The following CXCL11 variants were observed in gnomAD, a reference collection of about 807,000 sequenced individuals.
CXCL11 encodes the protein C-X-C motif chemokine 11.
CXCL11 carries 7 observed loss-of-function variants against 9.7 expected under a neutral mutation model. That is an observed-to-expected ratio of 0.72 (90% confidence interval 0.41 to 1.36). CXCL11 has a LOEUF of 1.36. CXCL11 is among the 40% of genes most tolerant of loss of function. The pLI is 0.01. For synonymous variants in CXCL11, 35 were observed against 34.4 expected (o/e 1.02, Z -0.06); for missense variants, 107 against 113.4 (o/e 0.94, Z 0.26).
rs1734122756 is a variant in CXCL11 at position 76,034,158 on chromosome 4, A to G, written c.*635T>C. ...TAATGAATTGGTTATAAAACAAACCAAATGATGCATAAGAATGTCTCCCTA... is the reference window on the plus strand; with the variant it reads ...TAATGAATTGGTTATAAAACAAACCGAATGATGCATAAGAATGTCTCCCTA... On this transcript the variant is annotated 3_prime_UTR_variant, in exon 4 of 4. Transcript: ENST00000306621. The G allele has an allele frequency of 3.1e-6, 1 of 318,142 alleles. No individual in the cohort carries two copies. The highest frequency in any genetic ancestry group is 5.7e-6 in the Non-Finnish European group (1 of 176,802). The allele number at this position is 318,142 out of a possible 1,614,324, so 19.7% of individuals were successfully genotyped here. A position where few individuals can be genotyped will look rare whatever the true frequency, so the allele number is the denominator to read the frequency against.
chr4:76,034,237 A>C lies in CXCL11; in HGVS notation c.*556T>G, dbSNP rs1734132817. 2 of 391,574 alleles carry C rather than the reference A, an allele frequency of 5.1e-6. No individual in the cohort carries two copies. Among genetic ancestry groups the C allele is most frequent in the Non-Finnish European group, 9.0e-6 (2 of 221,990 alleles). 24.3% of individuals were successfully genotyped at this position (391,574 alleles called of 1,614,324 possible). ...GAAAGAAGTGTGTATTTGCATGAAA[A>C]AATGTTTGAGGAATGTTTTACGACA... On this transcript the variant is annotated 3_prime_UTR_variant, in exon 4 of 4. Coordinates refer to ENST00000306621, the MANE Select transcript of CXCL11 (RefSeq NM_005409.5).
chr4:76,034,121 A>G lies in CXCL11; in HGVS notation c.*672T>C, dbSNP rs1734121560. The G allele has an allele frequency of 8.4e-6, 2 of 238,806 alleles. No individual in the cohort carries two copies. Among genetic ancestry groups the G allele is most frequent in the African/African-American group, 4.5e-5 (2 of 44,786 alleles). 14.8% of individuals were successfully genotyped at this position (238,806 alleles called of 1,614,324 possible). ...TATAATTTTTTTCATAGTACATTTT[A>G]TGAATTACATTTAATGAATTGGTTA... On this transcript the variant is annotated 3_prime_UTR_variant, in exon 4 of 4. Coordinates refer to ENST00000306621, the MANE Select transcript of CXCL11 (RefSeq NM_005409.5).
In CXCL11 at chr4:76,034,200, A is replaced by G; in HGVS notation, c.*593T>C. The G allele has an allele frequency of 2.7e-6, 1 of 371,370 alleles. No homozygotes were observed. The highest frequency in any genetic ancestry group is 4.8e-6 in the Non-Finnish European group (1 of 209,430). The allele number at this position is 371,370 out of a possible 1,614,324, so 23.0% of individuals were successfully genotyped here. On this transcript the variant is annotated 3_prime_UTR_variant, in exon 4 of 4. Transcript: ENST00000306621. ...GTCTCCCTACATATTGATGTGCTAC[A>G]TGATGTTTGGGGAAAGAAGTGTGTA...
At position 76,034,074 on chromosome 4, in the gene CXCL11, C is replaced by T. The variant is rs1408580679; in HGVS notation, c.*719G>A. ...CTAATTTGGTTATGAAATATGTGCA[C>T]TTTTGCCAGTATCCCATAGCGTATA... On this transcript the variant is annotated 3_prime_UTR_variant, in exon 4 of 4. Transcript: ENST00000306621. 5.7e-6 allele frequency: 1 copy of T among 175,762 alleles called. No homozygotes were observed. Among genetic ancestry groups the T allele is most frequent in the East Asian group, 1.5e-4 (1 of 6,636 alleles). The allele number at this position is 175,762 out of a possible 1,614,324, so 10.9% of individuals were successfully genotyped here.
chr4:76,034,081 C>CAGT lies in CXCL11; in HGVS notation c.*709_*711dup, dbSNP rs1174030658. On this transcript the variant is annotated 3_prime_UTR_variant, in exon 4 of 4. Transcript: ENST00000306621. The stretch of plus-strand genomic sequence containing the variant: ...GGTTATGAAATATGTGCACTTTTGC[C>CAGT]AGTATCCCATAGCGTATAATTTTTT... 5.5e-6 allele frequency: 1 copy of CAGT among 180,722 alleles called. No individual in the cohort carries two copies. Among genetic ancestry groups the CAGT allele is most frequent in the African/African-American group, 2.3e-5 (1 of 42,660 alleles). The allele number at this position is 180,722 out of a possible 1,614,324, so 11.2% of individuals were successfully genotyped here. A position where few individuals can be genotyped will look rare whatever the true frequency, so the allele number is the denominator to read the frequency against.
In CXCL11 at chr4:76,034,590, C is replaced by T; in HGVS notation, c.*203G>A. On this transcript the variant is annotated 3_prime_UTR_variant, in exon 4 of 4. Transcript: ENST00000306621. ...GGGCAGTGGAATTCTGATTGTCATT[C>T]ATTCAGGAAGACTGTATTTCTGTTT... 1.7e-6 allele frequency: 1 copy of T among 588,114 alleles called. No homozygotes were observed. Among genetic ancestry groups the T allele is most frequent in the Non-Finnish European group, 3.0e-6 (1 of 338,290 alleles). The allele number at this position is 588,114 out of a possible 1,614,324, so 36.4% of individuals were successfully genotyped here.
chr4:76,035,448 T>C (rs1734298204), intron 1 of CXCL11, 106 bp from the exon 2 acceptor site: 4 of 1,153,568 alleles, frequency 3.5e-6, no homozygotes, highest in African/African-American at 3.1e-5. Context: ...AGGGTAAAGA[T>C]AGTAATTTGT....
chr4:76,035,478 C>CT (rs1286995691), intron 1 of CXCL11, 136 bp from the exon 2 acceptor site: 3 of 750,526 alleles, frequency 4.0e-6, no homozygotes, highest in Non-Finnish European at 6.2e-6. Flanking sequence ...CTTAACACAA[C>CT]TGTTACTGGG....
chr4:76,035,787 C>A, intron 1 of CXCL11, 140 bp downstream of exon 1: 1 of 698,868 alleles, frequency 1.4e-6, no homozygotes, highest in Non-Finnish European at 2.4e-6. Flanking sequence ...TCCACCATTT[C>A]TGTGCTAAAG....
rs1049144437 is a variant in CXCL11, at chr4:76,035,925, A to T, written c.61+2T>A. ...GGTTGAGAAATAAAAATTACTGCAT[A>T]CCTTGAACAACTGTAGCACACAATA... On this transcript the variant is annotated splice_donor_variant, in intron 1 of 3. Coordinates refer to ENST00000306621, the MANE Select transcript of CXCL11 (RefSeq NM_005409.5). LOFTEE classifies it high-confidence loss of function. The T allele has an allele frequency of 1.2e-6, 2 of 1,612,584 alleles. No homozygotes were observed. The highest frequency in any genetic ancestry group is 1.7e-6 in the Non-Finnish European group (2 of 1,179,348).
rs1412720589 is a variant in CXCL11 at position 76,033,700 on chromosome 4, G to T, written c.*1093C>A. On this transcript the variant is annotated 3_prime_UTR_variant, in exon 4 of 4. Coordinates refer to ENST00000306621, the MANE Select transcript of CXCL11 (RefSeq NM_005409.5). ...ATAGATCTTTTTTTAAAAAAGAAAG[G>T]TTGTGGTAGTTTATTAGAGAAAAAA... 1.3e-5 allele frequency: 2 copies of T among 152,112 alleles called. No homozygotes were observed. The highest frequency in any genetic ancestry group is 2.9e-5 in the Non-Finnish European group (2 of 68,010). The allele number at this position is 152,112 out of a possible 1,614,324, so 9.4% of individuals were successfully genotyped here.
rs1041265055 is a variant in CXCL11 at position 76,034,217 on chromosome 4, A to G, written c.*576T>C. On this transcript the variant is annotated 3_prime_UTR_variant, in exon 4 of 4. Coordinates refer to ENST00000306621, the MANE Select transcript of CXCL11 (RefSeq NM_005409.5). ...TGTGCTACATGATGTTTGGGGAAAGAAGTGTGTATTTGCATGAAAAAATGT... is the reference window on the plus strand; with the variant it reads ...TGTGCTACATGATGTTTGGGGAAAGGAGTGTGTATTTGCATGAAAAAATGT... 13 of 383,452 alleles carry G rather than the reference A, an allele frequency of 3.4e-5. No homozygotes were observed. The highest frequency in any genetic ancestry group is 5.1e-5 in the Non-Finnish European group (11 of 216,992). 23.8% of individuals were successfully genotyped at this position (383,452 alleles called of 1,614,324 possible). A position where few individuals can be genotyped will look rare whatever the true frequency, so the allele number is the denominator to read the frequency against.
intron 3 of CXCL11, 113 bp from the exon 4 acceptor site, chr4:76,034,929 G>C (rs1734215932): frequency 5.2e-6 from 7 of 1,353,262 alleles, no homozygotes; most frequent in South Asian, 1.2e-5. Context: ...CCCCTTAACA[G>C]AATATTTCAC....
chr4:76,035,807 C>T (rs1734337147), intron 1 of CXCL11, 120 bp downstream of exon 1: 1 of 862,252 alleles, frequency 1.2e-6, no homozygotes, highest in Admixed American at 2.4e-5. Context: ...GCTGTAGTAA[C>T]TTCTAATCTG....
chr4:76,035,798 C>T (rs1734336123), intron 1 of CXCL11, 129 bp downstream of exon 1: 1 of 757,506 alleles, frequency 1.3e-6, no homozygotes, highest in Non-Finnish European at 2.2e-6. Context: ...TGTGCTAAAG[C>T]TGTAGTAACT....
rs1183747461 is a variant in CXCL11 at position 76,035,104 on chromosome 4, T to C, written c.204A>G (p.Glu68=). ...GATTTAGGCATCGTTGTCCTTTATT[T>C]TCTTTCAGGGTAATACTGTTAAAAG... is the stretch of plus-strand genomic sequence containing the variant. The part of the protein sequence containing the change: ...DKIEVIITLK[E]NKGQRCLNPK... The change falls in exon 3 of 4, where the codon GAA becomes GAG. Residue 68 remains glutamate (E), a synonymous_variant. Transcript: ENST00000306621. 1.1e-5 allele frequency: 18 copies of C among 1,612,172 alleles called. No individual in the cohort carries two copies. Among genetic ancestry groups the C allele is most frequent in the Non-Finnish European group, 1.4e-5 (16 of 1,179,686 alleles).
At position 76,035,263 on chromosome 4, in the gene CXCL11, T is replaced by C. The variant is rs1413732954; in HGVS notation, c.141A>G (p.Lys47=). 1.2e-6 allele frequency: 2 copies of C among 1,613,962 alleles called. No individual in the cohort carries two copies. Among genetic ancestry groups the C allele is most frequent in the East Asian group, 2.2e-5 (1 of 44,886 alleles). The change falls in exon 2 of 4, where the codon AAA becomes AAG. Residue 47 remains lysine, a synonymous_variant. Coordinates refer to ENST00000306621, the MANE Select transcript of CXCL11 (RefSeq NM_005409.5). ...TGTTACTTGGGTACATTATGGAGGC[T>C]TTCTCAATATCTGCCACTTTCACTG... The part of the protein sequence containing the change: ...VKAVKVADIE[K]ASIMYPSNNC...
At chr4:76,035,463 T>C in intron 1 of CXCL11, 121 bp from the exon 2 acceptor site, 1 of 976,996 alleles carries the variant, frequency 1.0e-6, no homozygotes, top group Non-Finnish European at 1.5e-6. Flanking sequence ...ATTTGTCAAA[T>C]AGCACTTAAC....
In CXCL11 at chr4:76,035,103, T is replaced by A; in HGVS notation, c.205A>T (p.Asn69Tyr). 6.2e-7 allele frequency: 1 copy of A among 1,612,446 alleles called. No homozygotes were observed. The highest frequency in any genetic ancestry group is 8.5e-7 in the Non-Finnish European group (1 of 1,179,680). ...GGATTTAGGCATCGTTGTCCTTTAT[T>A]TTCTTTCAGGGTAATACTGTTAAAA... ...KIEVIITLKE[N>Y]KGQRCLNPKS... The change falls in exon 3 of 4, where the codon AAT becomes TAT. Residue 69 changes from asparagine to tyrosine, a missense_variant. Coordinates refer to ENST00000306621, the MANE Select transcript of CXCL11 (RefSeq NM_005409.5).
Sources: gnomAD v4.1 joint callset for allele counts on GRCh38, gnomAD v4.1.1 for gene constraint, MANE v1.5 for transcripts, NCBI Gene and HGNC (gene_info 2026-07-23, HGNC 2026-07-21) for gene names.